The following CEP57L1 variants were observed in gnomAD, a reference collection of about 807,000 sequenced individuals.
CEP57L1 encodes the protein centrosomal protein CEP57L1.
Under a neutral mutation model 61.0 loss-of-function variants are expected in CEP57L1, and 37 were observed. That is an observed-to-expected ratio of 0.61 (90% CI 0.47 to 0.80). The LOEUF is 0.80. Ranked by LOEUF, CEP57L1 falls within the 30% of genes least tolerant of loss-of-function variation. The probability of loss-of-function intolerance (pLI) is 0.00; values close to 1 mark genes in which losing one functional copy is unlikely to be tolerated. For missense variants in CEP57L1, 422 were observed against 524.7 expected (o/e 0.80, Z 1.91); for synonymous variants, 137 against 162.3 (o/e 0.84, Z 1.19).
intron 3 of CEP57L1, among the ~76,000 whole-genome samples, 174 bp downstream of exon 3, chr6:109,147,111 C>G (rs2114874378): frequency 6.6e-6 from 1 of 152,152 alleles, no homozygotes; most frequent in African/African-American, 2.4e-5. Context: ...CAGTTTTGAA[C>G]TTACCTCTAT....
chr6:109,138,084 A>G (rs11966104), intron 1 of CEP57L1, among the ~76,000 whole-genome samples: 21,064 of 152,192 alleles, frequency 0.14, 1,752 homozygotes, highest in African/African-American at 0.22. Context: ...ATGTGGGGCT[A>G]GAGAGGACTG....
intron 1 of CEP57L1, among the ~76,000 whole-genome samples, chr6:109,139,089 T>C (rs937555502): frequency 1.3e-5 from 2 of 152,200 alleles, no homozygotes; most frequent in Non-Finnish European, 2.9e-5. Context: ...GAATAAGAGT[T>C]ACTTGAACAC....
intron 1 of CEP57L1, among the ~76,000 whole-genome samples, chr6:109,111,725 A>T (rs1045800696): frequency 2.0e-5 from 3 of 152,124 alleles, no homozygotes; most frequent in Admixed American, 2.0e-4. Flanking sequence ...GAGAGTTTTT[A>T]TCGTGAAGGG....
chr6:109,113,160 C>G (rs768318235), intron 1 of CEP57L1, among the ~76,000 whole-genome samples: 1 of 152,056 alleles, frequency 6.6e-6, no homozygotes, highest in Non-Finnish European at 1.5e-5. Flanking sequence ...CTTTGTAGGT[C>G]TCTAAGAACT....
At chr6:109,160,806 C>T in intron 10 of CEP57L1, 90 bp downstream of exon 10, 1 of 1,283,310 alleles carries the variant, frequency 7.8e-7, no homozygotes, top group Non-Finnish European at 1.1e-6. Context: ...AATTTGAGGT[C>T]TGTATATGGG....
rs901975234 is a variant in CEP57L1 at position 109,171,492 on chromosome 6, G to A, written c.*8522G>A. 8.6e-5 allele frequency among the ~76,000 whole-genome samples: 13 copies of A among 151,308 alleles called. No homozygotes were observed. The highest frequency in any genetic ancestry group is 3.2e-4 in the African/African-American group (13 of 41,146). On this transcript the variant is annotated 3_prime_UTR_variant, in exon 11 of 11. Transcript: ENST00000517392. ...ACTCCTGACCTTAGGTGAACTGCCCGCCTCAGCCTCCCAAAGTGCTGGGAT... is the reference window on the plus strand; with the variant it reads ...ACTCCTGACCTTAGGTGAACTGCCCACCTCAGCCTCCCAAAGTGCTGGGAT...
At chr6:109,138,378 G>A (rs1211892566) in intron 1 of CEP57L1, among the ~76,000 whole-genome samples, 1 of 152,218 alleles carries the variant, frequency 6.6e-6, no homozygotes, top group East Asian at 1.9e-4. Flanking sequence ...TATTTTGAAG[G>A]TAGAGCTAGT....
At chr6:109,102,936 C>A (rs1419695366) in intron 1 of CEP57L1, among the ~76,000 whole-genome samples, 1 of 152,138 alleles carries the variant, frequency 6.6e-6, no homozygotes, top group Non-Finnish European at 1.5e-5. Context: ...CTGTTGTCAG[C>A]ATGTGCAGTT....
Position 109,155,799 on chromosome 6 carries a change from T to G in CEP57L1, c.666T>G (p.Thr222=), listed in dbSNP as rs751252502. 6.5e-7 allele frequency: 1 copy of G among 1,530,590 alleles called. No homozygotes were observed. Among genetic ancestry groups the G allele is most frequent in the South Asian group, 1.2e-5 (1 of 86,042 alleles). The allele number at this position is 1,530,590 out of a possible 1,614,324, so 94.8% of individuals were successfully genotyped here. Reference sequence around the variant, plus strand: ...TTTTTTAAATATTACAGCTTCAAACTGGACTTGAAATCAGTAAAATTATAA... The same window carrying G: ...TTTTTTAAATATTACAGCTTCAAACGGGACTTGAAATCAGTAAAATTATAA... The part of the protein sequence containing the change: ...LFQDKASELQ[T]GLEISKIIMS... The change falls in exon 7 of 11, where the codon ACT becomes ACG. Residue 222 remains threonine (T), a synonymous_variant. Transcript: ENST00000517392.
At position 109,146,772 on chromosome 6, in the gene CEP57L1, T is replaced by C; in HGVS notation, c.175T>C (p.Leu59=). 6.4e-7 allele frequency: 1 copy of C among 1,573,740 alleles called. No individual in the cohort carries two copies. Among genetic ancestry groups the C allele is most frequent in the East Asian group, 2.3e-5 (1 of 43,478 alleles). Residue 59 remains leucine, a synonymous_variant, in exon 3 of 11, where the codon TTA becomes CTA. Coordinates refer to ENST00000517392, the MANE Select transcript of CEP57L1 (RefSeq NM_001271852.3). ...SPNSQALILA[L]KTLQEKIHRL... is the part of the protein sequence containing the mutation. ...TTTTTCAACAGCTCTTATTTTAGCC[T>C]TAAAAACTCTTCAGGAAAAAATTCA...
chr6:109,134,044 C>T (rs1774513513), intron 1 of CEP57L1, among the ~76,000 whole-genome samples: 1 of 152,160 alleles, frequency 6.6e-6, no homozygotes, highest in African/African-American at 2.4e-5. Flanking sequence ...AACAGGGAAT[C>T]CTCCCTAACT....
chr6:109,098,314 A>G (rs1000025947), intron 1 of CEP57L1, among the ~76,000 whole-genome samples: 2 of 151,974 alleles, frequency 1.3e-5, no homozygotes, highest in Non-Finnish European at 2.9e-5. Context: ...TACCTGGCTA[A>G]TTTTGTGTTT....
At chr6:109,150,401 A>G (rs924415216) in intron 4 of CEP57L1, among the ~76,000 whole-genome samples, 162 bp downstream of exon 4, 10 of 152,198 alleles carry the variant, frequency 6.6e-5, no homozygotes, top group African/African-American at 2.4e-4. Flanking sequence ...GAAAATGGGG[A>G]AAAGCAATAT....
In CEP57L1 at chr6:109,171,242, A is replaced by ATTTTTTTTTTTTT. The variant is rs751539209; in HGVS notation, c.*8273_*8285dup. On this transcript the variant is annotated 3_prime_UTR_variant, in exon 11 of 11. Transcript: ENST00000517392. ...AAATAATGCCACAAAGTAGAGTTTG[A>ATTTTTTTTTTTTT]TTTTTTTTTTTTTGAGACGGAGTTT... is the stretch of plus-strand genomic sequence containing the variant. Among the ~76,000 whole-genome samples the ATTTTTTTTTTTTT allele has an allele frequency of 7.0e-6, 1 of 143,464 alleles. No individual in the cohort carries two copies. Among genetic ancestry groups the ATTTTTTTTTTTTT allele is most frequent in the Non-Finnish European group, 1.5e-5 (1 of 65,460 alleles). The allele number at this position is 143,464 out of a possible 152,430, so 94.1% of individuals were successfully genotyped here.
chr6:109,128,121 G>C (rs2114742441), intron 1 of CEP57L1, among the ~76,000 whole-genome samples: 1 of 152,154 alleles, frequency 6.6e-6, no homozygotes, highest in Middle Eastern at 3.4e-3. Context: ...TCTATCTCTA[G>C]ATCTAGCCTA....
chr6:109,146,331 A>G (rs767478580), intron 2 of CEP57L1, among the ~76,000 whole-genome samples: 14 of 151,950 alleles, frequency 9.2e-5, no homozygotes, highest in Non-Finnish European at 1.6e-4. Context: ...ACTAAAACGG[A>G]ATACCTCAAG....
chr6:109,134,680 A>G (rs1263850686), intron 1 of CEP57L1, among the ~76,000 whole-genome samples: 1 of 152,234 alleles, frequency 6.6e-6, no homozygotes, highest in Non-Finnish European at 1.5e-5. Flanking sequence ...TCTCAGCCCA[A>G]AATCTCCTTA....
intron 1 of CEP57L1, among the ~76,000 whole-genome samples, chr6:109,135,512 T>A (rs1774761286): frequency 6.6e-6 from 1 of 152,150 alleles, no homozygotes. Flanking sequence ...GGGCAAGGAC[T>A]TCATGTCAAA....
chr6:109,119,185 A>G (rs1772656644), intron 1 of CEP57L1, among the ~76,000 whole-genome samples: 1 of 152,230 alleles, frequency 6.6e-6, no homozygotes, highest in Admixed American at 6.5e-5. Flanking sequence ...AGAGCCCTAT[A>G]TGCCCTGAGG....
Sources: allele counts gnomAD v4.1 joint callset (sites outside exome capture counted in the v4.1 genomes callset), GRCh38; gene constraint gnomAD v4.1.1; transcripts MANE v1.5; gene names NCBI Gene and HGNC (gene_info 2026-07-23, HGNC 2026-07-21).